ANKS1B: variants seen among roughly 807,000 people sequenced by gnomAD.
ANKS1B encodes the protein ankyrin repeat and sterile alpha motif domain containing 1B.
In ANKS1B, 36 loss-of-function variants were observed where a neutral mutation model predicts 148.3. That is an observed-to-expected ratio of 0.24 (90% CI 0.19 to 0.32). The LOEUF (loss-of-function observed/expected upper bound fraction) is 0.32. Ranked by LOEUF, ANKS1B falls within the 10% of genes least tolerant of loss-of-function variation. ANKS1B has a pLI of 1.00. For synonymous variants in ANKS1B, 542 were observed against 560.8 expected, an observed-to-expected ratio of 0.97 and a Z score of 0.47; for missense variants, 1,157 against 1,542.6, an observed-to-expected ratio of 0.75 and a Z score of 4.19.
intron 17 of ANKS1B, among the ~76,000 whole-genome samples, chr12:98,874,421 G>A (rs932997296): frequency 1.2e-4 from 18 of 152,274 alleles, no homozygotes; most frequent in Middle Eastern, 3.4e-3. Flanking sequence ...TTGGGAGAAC[G>A]TCTCACACAA....
chr12:99,380,731 T>G (rs987671508), intron 12 of ANKS1B, among the ~76,000 whole-genome samples: 1 of 152,032 alleles, frequency 6.6e-6, no homozygotes, highest in Non-Finnish European at 1.5e-5. Flanking sequence ...TTCAGATTAA[T>G]TCTTGTTGAT....
intron 26 of ANKS1B, 151 bp from the exon 27 acceptor site, chr12:98,746,000 A>G (rs911049496): frequency 2.7e-6 from 2 of 735,610 alleles, no homozygotes; most frequent in Admixed American, 3.7e-5. Flanking sequence ...CGCTCTTTGG[A>G]CACACATTTA....
chr12:99,900,559 T>C (rs1463928821), intron 1 of ANKS1B, among the ~76,000 whole-genome samples: 1 of 148,242 alleles, frequency 6.7e-6, no homozygotes, highest in Non-Finnish European at 1.5e-5. Context: ...CACACAATAG[T>C]GACAAAAATA....
At chr12:99,702,027 C>A (rs371582724) in intron 8 of ANKS1B, among the ~76,000 whole-genome samples, 3 of 152,100 alleles carry the variant, frequency 2.0e-5, no homozygotes, top group Admixed American at 1.3e-4. Flanking sequence ...CTTTGATATA[C>A]TGATTTCCTT....
intron 9 of ANKS1B, among the ~76,000 whole-genome samples, chr12:99,591,614 C>T (rs1158175729): frequency 1.3e-5 from 2 of 151,972 alleles, no homozygotes; most frequent in African/African-American, 2.4e-5. Flanking sequence ...TCCCTGCCCC[C>T]GAAAATATGT....
chr12:99,903,844 A>T (rs1257519649), intron 1 of ANKS1B, among the ~76,000 whole-genome samples: 1 of 152,138 alleles, frequency 6.6e-6, no homozygotes, highest in Non-Finnish European at 1.5e-5. Context: ...TAAAGAGCTT[A>T]CTCATATAAC....
At chr12:99,311,257 C>T (rs2083126045) in intron 12 of ANKS1B, among the ~76,000 whole-genome samples, 1 of 151,866 alleles carries the variant, frequency 6.6e-6, no homozygotes, top group African/African-American at 2.4e-5. Context: ...AATGGGTTTC[C>T]TATAACATTG....
chr12:99,236,368 A>G (rs905785867), intron 14 of ANKS1B, among the ~76,000 whole-genome samples: 23 of 152,210 alleles, frequency 1.5e-4, no homozygotes, highest in Admixed American at 5.2e-4. Context: ...GCAGTTTCGC[A>G]TGGCTGAGGA....
At chr12:99,883,289 T>C (rs888271957) in intron 1 of ANKS1B, among the ~76,000 whole-genome samples, 1 of 152,138 alleles carries the variant, frequency 6.6e-6, no homozygotes, top group Non-Finnish European at 1.5e-5. Flanking sequence ...GGAGATATGA[T>C]AGTTTTTTCC....
At chr12:98,891,751 T>C (rs928235371) in intron 17 of ANKS1B, among the ~76,000 whole-genome samples, 1 of 149,164 alleles carries the variant, frequency 6.7e-6, no homozygotes, top group Non-Finnish European at 1.5e-5. Context: ...CAAATATGCA[T>C]ACTTTTTTTC....
downstream of ANKS1B, among the ~76,000 whole-genome samples, chr12:98,742,249 A>AGAT (rs546862246): frequency 7.6e-4 from 116 of 152,196 alleles, no homozygotes; most frequent in African/African-American, 2.5e-3. Flanking sequence ...ACCCCATTGG[A>AGAT]GATGACAAAT....
chr12:99,747,818 CAT>C (rs2060736091), intron 8 of ANKS1B, among the ~76,000 whole-genome samples: 2 of 152,242 alleles, frequency 1.3e-5, no homozygotes, highest in South Asian at 4.1e-4. Context: ...TTATTAAACA[CAT>C]GTGAAAAATG....
chr12:98,740,308 C>G (rs2097791753), downstream of ANKS1B, among the ~76,000 whole-genome samples: 1 of 152,178 alleles, frequency 6.6e-6, no homozygotes, highest in African/African-American at 2.4e-5. Context: ...CCAGCGCCCT[C>G]TACTCTCACC....
intron 10 of ANKS1B, among the ~76,000 whole-genome samples, chr12:99,448,023 C>T (rs989088825): frequency 6.6e-6 from 1 of 152,032 alleles, no homozygotes; most frequent in Non-Finnish European, 1.5e-5. Flanking sequence ...TTAGTACAGC[C>T]ATTAGAGAGA....
At chr12:99,074,408 C>A (rs2047189863) in intron 16 of ANKS1B, among the ~76,000 whole-genome samples, 1 of 151,796 alleles carries the variant, frequency 6.6e-6, no homozygotes, top group East Asian at 1.9e-4. Flanking sequence ...TGTGAAACTG[C>A]ACAAAAAACT....
intron 8 of ANKS1B, among the ~76,000 whole-genome samples, chr12:99,748,560 A>T (rs1376705724): frequency 6.6e-6 from 1 of 152,052 alleles, no homozygotes; most frequent in Non-Finnish European, 1.5e-5. Context: ...CTGAGTATAT[A>T]CTTATGCCAG....
chr12:99,379,125 T>C (rs55947180), intron 12 of ANKS1B, among the ~76,000 whole-genome samples: 18,947 of 152,192 alleles, frequency 0.12, 1,247 homozygotes, highest in African/African-American at 0.17. Context: ...ATTAGAGAAA[T>C]AAAAGGTTTG....
At chr12:99,101,053 A>G (rs1448383412) in intron 15 of ANKS1B, among the ~76,000 whole-genome samples, 1 of 152,202 alleles carries the variant, frequency 6.6e-6, no homozygotes, top group African/African-American at 2.4e-5. Context: ...GGGCAATGAG[A>G]AAAGAAACGG....
chr12:99,463,446 G>A (rs1315541356), intron 10 of ANKS1B, among the ~76,000 whole-genome samples: 2 of 152,208 alleles, frequency 1.3e-5, no homozygotes, highest in South Asian at 2.1e-4. Context: ...GTGCAGGACA[G>A]TGGGTGCAGC....
Sources: allele counts gnomAD v4.1 joint callset (sites outside exome capture counted in the v4.1 genomes callset), GRCh38; gene constraint gnomAD v4.1.1; transcripts MANE v1.5; gene names NCBI Gene and HGNC (gene_info 2026-07-23, HGNC 2026-07-21).